USH2A: variants seen among roughly 807,000 people sequenced by gnomAD.
USH2A encodes Usher syndrome 2A (autosomal recessive, mild).
USH2A carries 443 observed loss-of-function variants against 538.9 expected under a neutral mutation model. The ratio of observed to expected loss-of-function variants is 0.82; its 90% confidence interval spans 0.76 to 0.89. USH2A has a LOEUF of 0.89. Among genes scored for constraint, USH2A ranks in the 40% least tolerant of loss-of-function variants. The pLI, the probability that USH2A is intolerant of heterozygous loss-of-function variation, is 0.00. For missense variants in USH2A, 6,633 were observed against 6,324.8 expected, an observed-to-expected ratio of 1.05 and a Z score of -1.65; for synonymous variants, 2,413 against 2,273.5, an observed-to-expected ratio of 1.06 and a Z score of -1.75.
chr1:215,720,129 C>A (rs1659611170), intron 61 of USH2A, among the ~76,000 whole-genome samples: 1 of 152,122 alleles, frequency 6.6e-6, no homozygotes, highest in Non-Finnish European at 1.5e-5. Context: ...ATCCATCTTC[C>A]TATGAAGATC....
intron 50 of USH2A, among the ~76,000 whole-genome samples, chr1:215,798,663 T>C (rs1475469843): frequency 6.6e-6 from 1 of 152,212 alleles, no homozygotes; most frequent in African/African-American, 2.4e-5. Context: ...TGTGGAATTT[T>C]TTTTGGAGGA....
chr1:216,416,420 A>G (rs1412875835), intron 3 of USH2A, among the ~76,000 whole-genome samples: 1 of 152,146 alleles, frequency 6.6e-6, no homozygotes, highest in Non-Finnish European at 1.5e-5. Flanking sequence ...TGTAGTTTTA[A>G]TATAAAATGC....
chr1:215,749,553 CA>C (rs1660567473), intron 58 of USH2A, among the ~76,000 whole-genome samples: 1 of 152,174 alleles, frequency 6.6e-6, no homozygotes, highest in Non-Finnish European at 1.5e-5. Flanking sequence ...GGTGTTCCTA[CA>C]AACCCTATAC....
chr1:216,174,794 A>T (rs1483297331), intron 21 of USH2A: 14 of 1,000,214 alleles, frequency 1.4e-5, no homozygotes, highest in Non-Finnish European at 1.7e-5. Context: ...AAAACATTAC[A>T]TCAAATATCT....
In USH2A at chr1:215,993,167, C is replaced by A. The variant is rs1668046425; in HGVS notation, c.6658G>T (p.Ala2220Ser). The A allele has an allele frequency of 4.3e-6, 7 of 1,613,876 alleles. No individual in the cohort carries two copies. Among genetic ancestry groups the A allele is most frequent in the Non-Finnish European group, 5.9e-6 (7 of 1,179,952 alleles). Residue 2220 changes from alanine (A) to serine (S), a missense_variant and splice_region_variant, in exon 35 of 72, where the codon GCT (alanine) becomes TCT (serine). Coordinates refer to ENST00000307340, the MANE Select transcript of USH2A (RefSeq NM_206933.4). ...ACTGTGCACCCACCACCTGTGCAAG[C>A]CTAAACAGAGATGCAAAAATGCTCA... ...PGNKYLIKLGACTGGGCTVSE... is the reference protein window; with the variant it reads ...PGNKYLIKLGSCTGGGCTVSE...
rs142437424 is a variant in USH2A, at chr1:215,818,455, T to C, written c.9372-1260A>G. Among the ~76,000 whole-genome samples the C allele has an allele frequency of 2.0e-3, 300 of 151,908 alleles. 1 individual carries two copies. The highest frequency in any genetic ancestry group is 6.7e-3 in the African/African-American group (278 of 41,506). On this transcript the variant is annotated intron_variant, in intron 47 of 71. Transcript: ENST00000307340. ...TAGCATGGTCTGAAATGATTTTTGG[T>C]GAAAAATATAGAACTTAAAGATTCC...
Position 216,078,128 on chromosome 1 carries a change from C to G in USH2A, c.5533G>C (p.Glu1845Gln). 1 of 1,613,674 alleles carries G rather than the reference C, an allele frequency of 6.2e-7. No individual in the cohort carries two copies. Among genetic ancestry groups the G allele is most frequent in the Non-Finnish European group, 8.5e-7 (1 of 1,179,764 alleles). The change falls in exon 27 of 72, where the codon GAA becomes CAA. Residue 1845 changes from glutamate to glutamine, a missense_variant. Glu to Gln is a conservative substitution (Grantham distance 29). Transcript: ENST00000307340. ...SPVYVGGIPQELLNSYQHLCL... is the reference protein window; with the variant it reads ...SPVYVGGIPQQLLNSYQHLCL... ...AAATGTTGATAAGAGTTCAGCAGTT[C>G]CTGTGGGATTCCTCCCACATAAACT... is the stretch of plus-strand genomic sequence containing the variant.
intron 21 of USH2A, among the ~76,000 whole-genome samples, chr1:216,166,342 A>T (rs2034169442): frequency 6.6e-6 from 1 of 152,160 alleles, no homozygotes; most frequent in South Asian, 2.1e-4. Flanking sequence ...AAAATGGTCT[A>T]GAGCTAGAGA....
chr1:215,726,752 A>G (rs189921162), intron 61 of USH2A, among the ~76,000 whole-genome samples: 40 of 152,298 alleles, frequency 2.6e-4, no homozygotes, highest in African/African-American at 9.6e-4. Flanking sequence ...AATCTTATCC[A>G]TGAAGCATCT....
At chr1:215,762,157 AG>A (rs1660998916) in intron 56 of USH2A, among the ~76,000 whole-genome samples, 2 of 152,232 alleles carry the variant, frequency 1.3e-5, no homozygotes, top group Non-Finnish European at 2.9e-5. Flanking sequence ...CACAAATCAT[AG>A]TACACATTTG....
chr1:216,265,094 T>C (rs1056617791), intron 11 of USH2A, among the ~76,000 whole-genome samples: 7 of 151,852 alleles, frequency 4.6e-5, no homozygotes, highest in African/African-American at 1.7e-4. Flanking sequence ...AATGGAAAAA[T>C]ACTTGCAAGG....
rs1659515253 is a variant in USH2A at position 215,717,373 on chromosome 1, A to G, written c.12066+10657T>C. The stretch of plus-strand genomic sequence containing the variant: ...TTCATCTTTTCTGACAACATGACTA[A>G]GAATCATGATGCCTGTGTTTTTTCT... On this transcript the variant is annotated intron_variant, in intron 61 of 71. Transcript: ENST00000307340. Among the ~76,000 whole-genome samples, 5 of 152,278 alleles carry G rather than the reference A, an allele frequency of 3.3e-5. No individual in the cohort carries two copies. The South Asian group carries it at 1.0e-3, about 32-fold the overall frequency.
chr1:216,312,830 G>A (rs1012305207), intron 9 of USH2A, among the ~76,000 whole-genome samples: 7 of 151,982 alleles, frequency 4.6e-5, no homozygotes, highest in Non-Finnish European at 1.0e-4. Context: ...GAGGTTGTTT[G>A]TTTGTTTCTT....
chr1:215,855,962 C>T (rs1240309520), intron 44 of USH2A, among the ~76,000 whole-genome samples: 1 of 152,170 alleles, frequency 6.6e-6, no homozygotes, highest in African/African-American at 2.4e-5. Flanking sequence ...ACAAATGGTG[C>T]TGGCATAATT....
intron 21 of USH2A, among the ~76,000 whole-genome samples, chr1:216,167,295 C>T (rs1327606429): frequency 2.0e-5 from 3 of 152,056 alleles, no homozygotes; most frequent in Non-Finnish European, 4.4e-5. Flanking sequence ...CACTATCTCT[C>T]TAAAATAATA....
chr1:215,879,183 G>T, intron 41 of USH2A, 85 bp from the exon 42 acceptor site: 2 of 1,219,274 alleles, frequency 1.6e-6, no homozygotes, highest in Non-Finnish European at 2.4e-6. Flanking sequence ...TTTTGCTCTT[G>T]TTTTCAGTTA....
chr1:216,231,472 T>C (rs1231711785), intron 14 of USH2A, among the ~76,000 whole-genome samples: 3 of 150,150 alleles, frequency 2.0e-5, no homozygotes, highest in South Asian at 2.1e-4. Flanking sequence ...AGCAACCCAC[T>C]CTAGGAAATA....
chr1:216,145,806 G>A (rs1056238462), intron 21 of USH2A, among the ~76,000 whole-genome samples: 4 of 151,970 alleles, frequency 2.6e-5, no homozygotes, highest in Admixed American at 6.6e-5. Flanking sequence ...TCCTTCTCCT[G>A]GCTCATCCTG....
chr1:215,878,927 C>G lies in USH2A; in HGVS notation c.8395G>C (p.Gly2799Arg). 1.9e-6 allele frequency: 3 copies of G among 1,613,928 alleles called. No homozygotes were observed. Among genetic ancestry groups the G allele is most frequent in the Non-Finnish European group, 2.5e-6 (3 of 1,179,970 alleles). The change falls in exon 42 of 72, where the codon GGT becomes CGT. Residue 2799 changes from glycine (G) to arginine (R), a missense_variant. By Grantham distance (125) the Gly-to-Arg change is moderately radical. Coordinates refer to ENST00000307340, the MANE Select transcript of USH2A (RefSeq NM_206933.4). ...GTGCACCCTCCAAGGTACCCATTAC[C>G]CCCTGAGCAAGCAACAATGGTGACA... Reference protein sequence around the residue: ...YSVTIVACSGGNGYLGGCTES... With the variant: ...YSVTIVACSGRNGYLGGCTES...
Sources: allele counts gnomAD v4.1 joint callset (sites outside exome capture counted in the v4.1 genomes callset), GRCh38; gene constraint gnomAD v4.1.1; transcripts MANE v1.5; gene names NCBI Gene and HGNC (gene_info 2026-07-23, HGNC 2026-07-21).